Variants in NAALADL2 observed in about 807,000 individuals in gnomAD.
The protein encoded by NAALADL2 is N-acetylated alpha-linked acidic dipeptidase like 2.
NAALADL2 carries 76 observed loss-of-function variants against 87.2 expected under a neutral mutation model. That is an observed-to-expected ratio of 0.87 (90% CI 0.72 to 1.05). NAALADL2 has a LOEUF of 1.05. Among genes scored for constraint, NAALADL2 ranks in the 50% least tolerant of loss-of-function variants. The probability of loss-of-function intolerance (pLI) is 0.00; values close to 1 mark genes in which losing one functional copy is unlikely to be tolerated. For missense variants in NAALADL2, 1,089 were observed against 945.8 expected, an observed-to-expected ratio of 1.15 and a Z score of -1.99; for synonymous variants, 354 against 331.0, an observed-to-expected ratio of 1.07 and a Z score of -0.75.
At chr3:175,309,373 A>G (rs1758072061) in intron 4 of NAALADL2, among the ~76,000 whole-genome samples, 1 of 152,062 alleles carries the variant, frequency 6.6e-6, no homozygotes, top group African/African-American at 2.4e-5. Flanking sequence ...TTTAGTAGAG[A>G]CAGGGTTTCA....
chr3:174,900,223 T>C (rs1732145153), intron 1 of NAALADL2, among the ~76,000 whole-genome samples: 1 of 152,024 alleles, frequency 6.6e-6, no homozygotes, highest in Non-Finnish European at 1.5e-5. Flanking sequence ...TAGCTTTTAT[T>C]ATAGATAAAA....
intron 3 of NAALADL2, among the ~76,000 whole-genome samples, chr3:174,761,331 A>G (rs574790372): frequency 1.3e-5 from 2 of 152,290 alleles, no homozygotes; most frequent in East Asian, 3.9e-4. Flanking sequence ...AAAACTAACA[A>G]AAGTTTGAAT....
intron 13 of NAALADL2, among the ~76,000 whole-genome samples, chr3:175,787,483 G>C (rs866106044): frequency 2.0e-5 from 3 of 152,160 alleles, no homozygotes; most frequent in African/African-American, 7.2e-5. Flanking sequence ...TTCCAGGTGC[G>C]TCCGTCACCC....
chr3:175,051,467 T>G (rs1035806278), intron 1 of NAALADL2, among the ~76,000 whole-genome samples: 6 of 152,134 alleles, frequency 3.9e-5, no homozygotes, highest in African/African-American at 1.4e-4. Context: ...CAGTTTCTTG[T>G]GGTTATAGAA....
chr3:174,765,123 TACAC>T (rs10543370), intron 3 of NAALADL2, among the ~76,000 whole-genome samples: 9,164 of 118,902 alleles, frequency 0.077, 327 homozygotes, highest in Middle Eastern at 0.14. Flanking sequence ...TACACACACA[TACAC>T]ACACACACAC....
intron 13 of NAALADL2, among the ~76,000 whole-genome samples, chr3:175,772,266 TA>T (rs969527311): frequency 2.0e-5 from 3 of 151,284 alleles, no homozygotes; most frequent in Non-Finnish European, 4.4e-5. Context: ...CAGCTTTATT[TA>T]TTTTTTTTTT....
intron 3 of NAALADL2, among the ~76,000 whole-genome samples, chr3:174,822,274 G>A (rs557855724): frequency 7.0e-4 from 106 of 152,150 alleles, no homozygotes; most frequent in African/African-American, 2.5e-3. Context: ...TGATAAACCC[G>A]ACGGCCCCTG....
At chr3:174,855,451 A>G (rs775863611), upstream of NAALADL2, among the ~76,000 whole-genome samples, 3 of 152,050 alleles carry the variant, frequency 2.0e-5, no homozygotes, top group Non-Finnish European at 4.4e-5. Flanking sequence ...GGAAATTCTC[A>G]TAATTACCAT....
intron 1 of NAALADL2, among the ~76,000 whole-genome samples, chr3:174,872,272 C>T (rs1456754953): frequency 9.9e-5 from 15 of 152,092 alleles, no homozygotes; most frequent in African/African-American, 3.6e-4. Flanking sequence ...CAGATATGGC[C>T]ATATTTAAGA....
chr3:175,241,049 C>G (rs79719341), intron 3 of NAALADL2, among the ~76,000 whole-genome samples: 266 of 152,224 alleles, frequency 1.7e-3, no homozygotes, highest in African/African-American at 6.1e-3. Flanking sequence ...CTTTTGGCAA[C>G]AGTGCACAAG....
At position 175,319,014 on chromosome 3, in the gene NAALADL2, A is replaced by T. The variant is rs1266673664; in HGVS notation, c.940-5161A>T. ...TTCTTCTATAGTAAGCAAACATTCA[A>T]AATCATTCAATTGATTATTCTTTTT... On this transcript the variant is annotated intron_variant, in intron 4 of 13. Coordinates refer to ENST00000454872, the MANE Select transcript of NAALADL2 (RefSeq NM_207015.3). Among the ~76,000 whole-genome samples the T allele has an allele frequency of 2.6e-5, 4 of 152,358 alleles. No individual in the cohort carries two copies. In the East Asian group the frequency reaches 5.8e-4, roughly 22 times the overall value.
intron 1 of NAALADL2, among the ~76,000 whole-genome samples, chr3:175,001,268 T>G (rs1248460742): frequency 1.3e-5 from 2 of 152,222 alleles, no homozygotes; most frequent in Non-Finnish European, 2.9e-5. Context: ...GGAATCTGTA[T>G]TTCTGACAAG....
intron 3 of NAALADL2, among the ~76,000 whole-genome samples, chr3:174,766,274 C>A (rs1424409450): frequency 6.6e-6 from 1 of 152,152 alleles, no homozygotes; most frequent in Non-Finnish European, 1.5e-5. Context: ...GGGCTGTTGA[C>A]CCACGAGGCA....
At chr3:175,169,718 C>T (rs1263771600) in intron 2 of NAALADL2, among the ~76,000 whole-genome samples, 1 of 151,598 alleles carries the variant, frequency 6.6e-6, no homozygotes. Flanking sequence ...GGAAATATCC[C>T]AGAGGATATC....
At chr3:175,555,469 G>A (rs946115438) in intron 9 of NAALADL2, among the ~76,000 whole-genome samples, 2 of 152,096 alleles carry the variant, frequency 1.3e-5, no homozygotes, top group African/African-American at 4.8e-5. Flanking sequence ...CCCGTACACT[G>A]TACCCTTTAA....
chr3:174,546,789 C>T (rs1439876776), intron 1 of NAALADL2, among the ~76,000 whole-genome samples: 1 of 152,188 alleles, frequency 6.6e-6, no homozygotes, highest in Admixed American at 6.5e-5. Flanking sequence ...TCTGGAGTAG[C>T]TGAGACTACA....
intron 1 of NAALADL2, among the ~76,000 whole-genome samples, chr3:174,926,176 T>C (rs1736001427): frequency 6.6e-6 from 1 of 151,916 alleles, no homozygotes; most frequent in Admixed American, 6.6e-5. Flanking sequence ...TAAAAAGAAA[T>C]GAACAAAGCC....
At chr3:174,512,503 TG>T (rs1297864077) in intron 1 of NAALADL2, among the ~76,000 whole-genome samples, 1 of 152,176 alleles carries the variant, frequency 6.6e-6, no homozygotes, top group Non-Finnish European at 1.5e-5. Flanking sequence ...AATTTTCCAG[TG>T]ATTCTTTTTC....
At chr3:174,565,040 A>G (rs2108520131) in intron 2 of NAALADL2, among the ~76,000 whole-genome samples, 1 of 152,088 alleles carries the variant, frequency 6.6e-6, no homozygotes, top group East Asian at 1.9e-4. Flanking sequence ...ATTTTACAGG[A>G]CAATTCAGAA....
Sources: gnomAD v4.1 joint callset for allele counts (sites outside exome capture counted in the v4.1 genomes callset) on GRCh38, gnomAD v4.1.1 for gene constraint, MANE v1.5 for transcripts, NCBI Gene and HGNC (gene_info 2026-07-23, HGNC 2026-07-21) for gene names.